Variants in HPSE2 observed in about 807,000 individuals in gnomAD.
HPSE2 encodes heparanase 2 (inactive).
Under a neutral mutation model 60.5 loss-of-function variants are expected in HPSE2, and 38 were observed. The ratio of observed to expected loss-of-function variants is 0.63; its 90% confidence interval spans 0.48 to 0.82. HPSE2 has a LOEUF of 0.82. Among genes scored for constraint, HPSE2 ranks in the 40% least tolerant of loss-of-function variants. The pLI, the probability that HPSE2 is intolerant of heterozygous loss-of-function variation, is 0.00. For missense variants in HPSE2, 713 were observed against 740.4 expected, an observed-to-expected ratio of 0.96 and a Z score of 0.43; for synonymous variants, 295 against 293.2, an observed-to-expected ratio of 1.01 and a Z score of -0.06.
At chr10:98,553,728 A>G (rs1173183974) in intron 9 of HPSE2, among the ~76,000 whole-genome samples, 1 of 152,168 alleles carries the variant, frequency 6.6e-6, no homozygotes, top group African/African-American at 2.4e-5. Flanking sequence ...AGGTTAATAA[A>G]GCCTCTCCAG....
In HPSE2 at chr10:99,083,912, A is replaced by T. The variant is rs1443138429; in HGVS notation, c.610+60326T>A. 2.7e-5 allele frequency among the ~76,000 whole-genome samples: 4 copies of T among 150,410 alleles called. No homozygotes were observed. The East Asian group carries it at 7.8e-4, about 29-fold the overall frequency. The stretch of plus-strand genomic sequence containing the variant: ...ATACCTGAGCCAGAAGGCATTGTTC[A>T]TCTGCAAGTCTGGACTAAAGGCCCA... On this transcript the variant is annotated intron_variant, in intron 3 of 11. Coordinates refer to ENST00000370552, the MANE Select transcript of HPSE2 (RefSeq NM_021828.5).
rs1257894448 is a variant in HPSE2 at position 98,567,860 on chromosome 10, CT to C, written c.1320+47043del. Reference sequence around the variant, plus strand: ...GGGTTACAAAACCACCACTAGCTACCTCCTGCAGGCCCTGTCAAAGAAACAG... The same window carrying C: ...GGGTTACAAAACCACCACTAGCTACCCCTGCAGGCCCTGTCAAAGAAACAG... On this transcript the variant is annotated intron_variant, in intron 9 of 11. Transcript: ENST00000370552. Among the ~76,000 whole-genome samples, 3 of 152,294 alleles carry C rather than the reference CT, an allele frequency of 2.0e-5. No individual in the cohort carries two copies. In the East Asian group the frequency reaches 5.8e-4, roughly 29 times the overall value.
chr10:98,544,396 C>T (rs745363784), intron 9 of HPSE2, among the ~76,000 whole-genome samples: 1 of 152,168 alleles, frequency 6.6e-6, no homozygotes, highest in African/African-American at 2.4e-5. Context: ...CCAAAATCGA[C>T]ACCCTAACAT....
At chr10:98,724,103 G>T (rs375643796) in intron 4 of HPSE2, among the ~76,000 whole-genome samples, 2 of 152,096 alleles carry the variant, frequency 1.3e-5, no homozygotes, top group East Asian at 3.9e-4. Context: ...TGGGCATTTA[G>T]TGCTATAAAT....
chr10:99,037,604 A>G (rs1437671724), intron 3 of HPSE2, among the ~76,000 whole-genome samples: 2 of 152,038 alleles, frequency 1.3e-5, no homozygotes, highest in African/African-American at 4.8e-5. Context: ...TTAATATATT[A>G]GAATTGTGAT....
At chr10:98,517,224 A>C (rs942420511) in intron 9 of HPSE2, among the ~76,000 whole-genome samples, 1 of 151,886 alleles carries the variant, frequency 6.6e-6, no homozygotes, top group Non-Finnish European at 1.5e-5. Flanking sequence ...GAGGGGGTGC[A>C]TTGCAGGATA....
chr10:98,730,718 AT>A (rs1949205831), intron 4 of HPSE2, among the ~76,000 whole-genome samples: 1 of 152,150 alleles, frequency 6.6e-6, no homozygotes, highest in Non-Finnish European at 1.5e-5. Context: ...AAAATGGTAA[AT>A]TTTTTTAAAA....
intron 9 of HPSE2, among the ~76,000 whole-genome samples, chr10:98,582,411 GACTA>G (rs1944825522): frequency 6.6e-6 from 1 of 152,158 alleles, no homozygotes; most frequent in Non-Finnish European, 1.5e-5. Context: ...TTATCACTAT[GACTA>G]ACTGTCATAT....
At chr10:98,807,551 C>T (rs12219903) in intron 3 of HPSE2, among the ~76,000 whole-genome samples, 11,173 of 152,206 alleles carry the variant, frequency 0.073, 566 homozygotes, top group South Asian at 0.19. Flanking sequence ...TAAATGTTAG[C>T]TCACTTGCTC....
At chr10:98,795,638 G>C (rs894938726) in intron 3 of HPSE2, among the ~76,000 whole-genome samples, 1 of 152,204 alleles carries the variant, frequency 6.6e-6, no homozygotes, top group East Asian at 1.9e-4. Flanking sequence ...CTAGAGCTAG[G>C]CTGGGCTCAG....
At chr10:98,517,463 G>A (rs548571670) in intron 9 of HPSE2, among the ~76,000 whole-genome samples, 123 of 152,260 alleles carry the variant, frequency 8.1e-4, no homozygotes, top group Non-Finnish European at 1.6e-3. Context: ...AGAGTACCTC[G>A]TAAATACACA....
At chr10:98,663,492 T>C (rs1947279361) in intron 6 of HPSE2, among the ~76,000 whole-genome samples, 1 of 152,148 alleles carries the variant, frequency 6.6e-6, no homozygotes, top group Admixed American at 6.5e-5. Flanking sequence ...ACTCTTCAAG[T>C]GGCTCTTTTA....
At chr10:98,704,297 A>T (rs1948487976) in intron 5 of HPSE2, among the ~76,000 whole-genome samples, 1 of 152,220 alleles carries the variant, frequency 6.6e-6, no homozygotes. Flanking sequence ...CCTCATGGAT[A>T]GGAAGAATCA....
At chr10:98,564,665 C>T (rs531092419) in intron 9 of HPSE2, among the ~76,000 whole-genome samples, 1 of 152,280 alleles carries the variant, frequency 6.6e-6, no homozygotes, top group East Asian at 1.9e-4. Flanking sequence ...ACCTACGTAC[C>T]TCCTGGAGGC....
At chr10:98,878,995 T>C (rs887449466) in intron 3 of HPSE2, among the ~76,000 whole-genome samples, 10 of 151,854 alleles carry the variant, frequency 6.6e-5, no homozygotes, top group African/African-American at 2.4e-4. Context: ...GTCTAGCAAC[T>C]GGGAGAAGAA....
intron 2 of HPSE2, among the ~76,000 whole-genome samples, chr10:99,179,409 C>T (rs1231519789): frequency 1.3e-5 from 2 of 152,180 alleles, no homozygotes; most frequent in Non-Finnish European, 1.5e-5. Flanking sequence ...GCAACTTCAG[C>T]AAGGTCTCGG....
chr10:99,124,709 A>G (rs1845096530), intron 3 of HPSE2, among the ~76,000 whole-genome samples: 1 of 152,260 alleles, frequency 6.6e-6, no homozygotes, highest in African/African-American at 2.4e-5. Flanking sequence ...GCCAGACAGC[A>G]GGAGTAGGCA....
At chr10:99,300,722 G>C in the HPSE2 span, among the ~76,000 whole-genome samples, 1 of 152,150 alleles carries the variant, frequency 6.6e-6, no homozygotes, top group Non-Finnish European at 1.5e-5. Context: ...CCTCCCTTCC[G>C]TCACATATTG....
chr10:99,081,041 A>G (rs1843117406), intron 3 of HPSE2, among the ~76,000 whole-genome samples: 1 of 152,136 alleles, frequency 6.6e-6, no homozygotes, highest in Non-Finnish European at 1.5e-5. Flanking sequence ...TGATCCACCC[A>G]CCTCGGCCTC....
Sources: gnomAD v4.1 joint callset for allele counts (sites outside exome capture counted in the v4.1 genomes callset) on GRCh38, gnomAD v4.1.1 for gene constraint, MANE v1.5 for transcripts, NCBI Gene and HGNC (gene_info 2026-07-23, HGNC 2026-07-21) for gene names.